Variants in ALPL observed in about 807,000 individuals in gnomAD.
ALPL encodes the protein alkaline phosphatase, biomineralization associated.
Under a neutral mutation model 51.3 loss-of-function variants are expected in ALPL, and 42 were observed. The observed-to-expected ratio is 0.82, with a 90% CI of 0.64 to 1.06. The LOEUF (loss-of-function observed/expected upper bound fraction) is 1.06. Among genes scored for constraint, ALPL ranks in the 50% least tolerant of loss-of-function variants. The probability of loss-of-function intolerance (pLI) is 0.00; values close to 1 mark genes in which losing one functional copy is unlikely to be tolerated. For synonymous variants in ALPL, 279 were observed against 296.4 expected, an observed-to-expected ratio of 0.94 and a Z score of 0.60; for missense variants, 589 against 709.4, an observed-to-expected ratio of 0.83 and a Z score of 1.93.
intron 1 of ALPL, among the ~76,000 whole-genome samples, chr1:21,553,077 A>AAAAAT (rs1331292377): frequency 3.3e-5 from 5 of 151,664 alleles, no homozygotes; most frequent in African/African-American, 1.2e-4. Flanking sequence ...CAAAAAAATA[A>AAAAAT]AGAGGAAATA....
intron 5 of ALPL, 121 bp downstream of exon 5, chr1:21,563,405 T>C (rs1644515206): frequency 8.1e-7 from 1 of 1,234,720 alleles, no homozygotes; most frequent in South Asian, 1.6e-5. Context: ...CCAGCTCTGA[T>C]ATGCTGGGAG....
At chr1:21,528,931 G>A (rs1313122357) in intron 1 of ALPL, among the ~76,000 whole-genome samples, 1 of 151,698 alleles carries the variant, frequency 6.6e-6, no homozygotes, top group Non-Finnish European at 1.5e-5. Flanking sequence ...TTAGCTGGGT[G>A]TGGTGGTGGG....
At chr1:21,515,838 T>G (rs12048779) in intron 1 of ALPL, among the ~76,000 whole-genome samples, 6 of 115,782 alleles carry the variant, frequency 5.2e-5, no homozygotes, top group East Asian at 3.1e-4. Flanking sequence ...GCTTGTTGTT[T>G]TTTTGTTTGT....
chr1:21,556,765 C>T (rs1644419443), intron 2 of ALPL, among the ~76,000 whole-genome samples: 1 of 152,038 alleles, frequency 6.6e-6, no homozygotes, highest in Non-Finnish European at 1.5e-5. Flanking sequence ...ATGGCAAAAA[C>T]TCCTCTCTAC....
At chr1:21,553,353 G>C (rs1362751516) in intron 1 of ALPL, among the ~76,000 whole-genome samples, 1 of 152,118 alleles carries the variant, frequency 6.6e-6, no homozygotes, top group Non-Finnish European at 1.5e-5. Flanking sequence ...TCACATATGT[G>C]ACTCCTACCA....
intron 1 of ALPL, among the ~76,000 whole-genome samples, chr1:21,541,051 G>A (rs747479217): frequency 1.3e-5 from 2 of 152,218 alleles, no homozygotes; most frequent in Non-Finnish European, 2.9e-5. Context: ...GAGTCTCAGA[G>A]CTGGAAGGAC....
intron 1 of ALPL, among the ~76,000 whole-genome samples, chr1:21,521,796 G>C (rs1643885833): frequency 1.3e-5 from 2 of 152,102 alleles, no homozygotes; most frequent in African/African-American, 4.8e-5. Flanking sequence ...TGTCCATTTT[G>C]TTCACAGATG....
chr1:21,541,729 G>A (rs1289087393), intron 1 of ALPL, among the ~76,000 whole-genome samples: 1 of 152,214 alleles, frequency 6.6e-6, no homozygotes, highest in Non-Finnish European at 1.5e-5. Context: ...GAGAGGGCAG[G>A]GGGAGGGATT....
intron 9 of ALPL, 149 bp downstream of exon 9, chr1:21,573,948 G>A: frequency 6.8e-7 from 1 of 1,480,872 alleles, no homozygotes; most frequent in Non-Finnish European, 9.0e-7. Context: ...GGAGACGGGT[G>A]GCACTGTAGA....
At chr1:21,535,118 AATAAC>A (rs1644081196) in intron 1 of ALPL, among the ~76,000 whole-genome samples, 1 of 152,258 alleles carries the variant, frequency 6.6e-6, no homozygotes. Flanking sequence ...ATGTTGGTTG[AATAAC>A]ATATAGGGAA....
At chr1:21,552,057 T>C (rs1405294009) in intron 1 of ALPL, among the ~76,000 whole-genome samples, 1 of 135,194 alleles carries the variant, frequency 7.4e-6, no homozygotes, top group Non-Finnish European at 1.6e-5. Context: ...ATCAAGATCC[T>C]TCTTCTGGTG....
chr1:21,566,571 G>A (rs1397811406), intron 6 of ALPL, among the ~76,000 whole-genome samples: 4 of 151,072 alleles, frequency 2.6e-5, no homozygotes, highest in East Asian at 3.9e-4. Flanking sequence ...CATTATAGGC[G>A]TGAGCCATCG....
intron 1 of ALPL, among the ~76,000 whole-genome samples, chr1:21,522,065 T>G (rs1643887688): frequency 6.6e-6 from 1 of 150,580 alleles, no homozygotes; most frequent in Admixed American, 6.7e-5. Context: ...AACCAATACA[T>G]ATGTCCATTT....
chr1:21,570,173 TG>T, intron 7 of ALPL, 131 bp from the exon 8 acceptor site: 2 of 839,762 alleles, frequency 2.4e-6, no homozygotes, highest in Non-Finnish European at 4.0e-6. Context: ...TCAGGGATGG[TG>T]GGTCCTCAGG....
intron 1 of ALPL, among the ~76,000 whole-genome samples, chr1:21,510,937 C>T (rs1287525696): frequency 1.3e-5 from 2 of 152,232 alleles, no homozygotes; most frequent in African/African-American, 4.8e-5. Flanking sequence ...TTCTCAACAT[C>T]CCAACTGGTG....
chr1:21,533,857 A>C (rs1343936405), intron 1 of ALPL, among the ~76,000 whole-genome samples: 1 of 151,126 alleles, frequency 6.6e-6, no homozygotes, highest in African/African-American at 2.4e-5. Flanking sequence ...TCGGAGGTGG[A>C]GTTTGCAGTG....
intron 9 of ALPL, chr1:21,574,094 G>C: frequency 1.0e-6 from 1 of 985,408 alleles, no homozygotes; most frequent in Non-Finnish European, 1.2e-6. Context: ...GCCCTGAAGG[G>C]GCAAGCAGCC....
At chr1:21,560,104 C>G (rs1644463328) in intron 2 of ALPL, among the ~76,000 whole-genome samples, 1 of 152,216 alleles carries the variant, frequency 6.6e-6, no homozygotes, top group East Asian at 1.9e-4. Context: ...TCCAGCACTG[C>G]TATTAAACCA....
intron 1 of ALPL, among the ~76,000 whole-genome samples, chr1:21,533,815 C>T (rs902252699): frequency 1.3e-5 from 2 of 151,668 alleles, no homozygotes; most frequent in African/African-American, 4.8e-5. Context: ...CCTGGCTACT[C>T]GGGAGGCTGA....
Sources: allele counts gnomAD v4.1 joint callset (sites outside exome capture counted in the v4.1 genomes callset), GRCh38; gene constraint gnomAD v4.1.1; transcripts MANE v1.5; gene names NCBI Gene and HGNC (gene_info 2026-07-23, HGNC 2026-07-21).